Variants in EPHA7 observed in about 807,000 individuals in gnomAD.
EPHA7 encodes the protein EPH receptor A7.
EPHA7 carries 25 observed loss-of-function variants against 112.6 expected under a neutral mutation model. The observed-to-expected ratio is 0.22, with a 90% CI of 0.16 to 0.31. The LOEUF is 0.31. Ranked by LOEUF, EPHA7 falls within the 10% of genes least tolerant of loss-of-function variation. The pLI, the probability that EPHA7 is intolerant of heterozygous loss-of-function variation, is 1.00. For synonymous variants in EPHA7, 437 were observed against 406.5 expected, an observed-to-expected ratio of 1.07 and a Z score of -0.90; for missense variants, 962 against 1,212.6, an observed-to-expected ratio of 0.79 and a Z score of 3.07.
intron 3 of EPHA7, among the ~76,000 whole-genome samples, chr6:93,389,875 T>A (rs1777816408): frequency 1.3e-5 from 2 of 151,916 alleles, no homozygotes; most frequent in Admixed American, 1.3e-4. Context: ...ACAGAAGGAA[T>A]AAGATACACA....
At position 93,259,405 on chromosome 6, in the gene EPHA7, C is replaced by A. The variant is rs149602525; in HGVS notation, c.1873G>T (p.Ala625Ser). Residue 625 changes from alanine (A) to serine (S), a missense_variant, in exon 10 of 17, where the codon GCC becomes TCC. Transcript: ENST00000369303. ...EDPNRAVHQF[A>S]KELDASCIKI... Reference sequence around the variant, plus strand: ...ATACAGGAGGCATCTAGCTCCTTGGCGAATTGATGGACAGCTCTATTTGGG... The same window carrying A: ...ATACAGGAGGCATCTAGCTCCTTGGAGAATTGATGGACAGCTCTATTTGGG... 21 of 1,611,970 alleles carry A rather than the reference C, an allele frequency of 1.3e-5. No individual in the cohort carries two copies. Among genetic ancestry groups the A allele is most frequent in the Non-Finnish European group, 1.7e-5 (20 of 1,178,524 alleles).
At chr6:93,383,453 C>A (rs569222058) in intron 3 of EPHA7, among the ~76,000 whole-genome samples, 2 of 151,874 alleles carry the variant, frequency 1.3e-5, no homozygotes, top group African/African-American at 4.8e-5. Flanking sequence ...AGTAGCTCGC[C>A]CAAGGTCACA....
intron 5 of EPHA7, among the ~76,000 whole-genome samples, chr6:93,339,022 A>T (rs912316769): frequency 6.6e-6 from 1 of 150,780 alleles, no homozygotes; most frequent in Non-Finnish European, 1.5e-5. Context: ...ATACCGTAGG[A>T]TACCAACATT....
At chr6:93,310,482 T>C (rs922286980) in intron 5 of EPHA7, among the ~76,000 whole-genome samples, 1 of 151,978 alleles carries the variant, frequency 6.6e-6, no homozygotes, top group African/African-American at 2.4e-5. Flanking sequence ...CTGGCCAAGA[T>C]GGTGAAATTG....
chr6:93,411,184 A>G lies in EPHA7; in HGVS notation c.163-14T>C, dbSNP rs756114090. 4 of 1,594,742 alleles carry G rather than the reference A, an allele frequency of 2.5e-6. No homozygotes were observed. The African/African-American group carries it at 5.4e-5, about 22-fold the overall frequency. On this transcript the variant is annotated splice_polypyrimidine_tract_variant and intron_variant, in intron 2 of 16. Transcript: ENST00000369303. The stretch of plus-strand genomic sequence containing the variant: ...AATTTCTTCCCACTGTAAAATTTGA[A>G]AAAAGGTCATCAGTCATTCAGCAAA...
At chr6:93,381,031 C>T (rs1188635766) in intron 3 of EPHA7, among the ~76,000 whole-genome samples, 1 of 152,076 alleles carries the variant, frequency 6.6e-6, no homozygotes, top group African/African-American at 2.4e-5. Context: ...TAAGCAATGC[C>T]TCCTGAATAT....
intron 5 of EPHA7, among the ~76,000 whole-genome samples, chr6:93,335,300 G>T (rs190313035): frequency 1.3e-5 from 2 of 152,064 alleles, no homozygotes; most frequent in African/African-American, 2.4e-5. Context: ...AACAAAATGA[G>T]ATTTTTCATC....
intron 5 of EPHA7, among the ~76,000 whole-genome samples, chr6:93,325,929 G>A (rs1188470716): frequency 6.6e-6 from 1 of 151,350 alleles, no homozygotes; most frequent in Non-Finnish European, 1.5e-5. Context: ...GCTCAAGATA[G>A]ATGTAGTGCT....
intron 5 of EPHA7, among the ~76,000 whole-genome samples, chr6:93,320,342 C>T (rs921878508): frequency 3.3e-5 from 5 of 151,908 alleles, no homozygotes; most frequent in African/African-American, 1.2e-4. Flanking sequence ...AAGTACATTT[C>T]GAATAAAGAT....
At chr6:93,286,256 C>A (rs760384945) in intron 5 of EPHA7, among the ~76,000 whole-genome samples, 6 of 152,044 alleles carry the variant, frequency 3.9e-5, no homozygotes, top group Non-Finnish European at 5.9e-5. Flanking sequence ...ATTCTCATGG[C>A]CTTTCCCTCT....
At chr6:93,351,324 C>T (rs1382788373) in intron 5 of EPHA7, among the ~76,000 whole-genome samples, 4 of 151,990 alleles carry the variant, frequency 2.6e-5, no homozygotes, top group East Asian at 1.9e-4. Flanking sequence ...CTGCTTGGTC[C>T]TGCTTGCTTC....
intron 13 of EPHA7, 148 bp downstream of exon 13, chr6:93,255,680 C>CAAAAAA (rs988623625): frequency 7.3e-6 from 4 of 547,672 alleles, no homozygotes; most frequent in Non-Finnish European, 1.2e-5. Context: ...TCCAGAAAAA[C>CAAAAAA]AAAAAACAAA....
intron 5 of EPHA7, among the ~76,000 whole-genome samples, chr6:93,279,721 G>T (rs1771640008): frequency 6.6e-6 from 1 of 152,184 alleles, no homozygotes; most frequent in South Asian, 2.1e-4. Context: ...ACTTGTGTCA[G>T]ATGTACATCA....
intron 5 of EPHA7, among the ~76,000 whole-genome samples, chr6:93,341,494 A>C (rs1384521231): frequency 6.6e-6 from 1 of 151,890 alleles, no homozygotes; most frequent in Non-Finnish European, 1.5e-5. Flanking sequence ...AAAAGATAGG[A>C]AAGTATAAAA....
intron 3 of EPHA7, among the ~76,000 whole-genome samples, chr6:93,394,405 T>C (rs1778064282): frequency 6.6e-6 from 1 of 151,660 alleles, no homozygotes; most frequent in African/African-American, 2.4e-5. Context: ...TTCTCTGTGG[T>C]CTTTGAGCAC....
intron 5 of EPHA7, among the ~76,000 whole-genome samples, chr6:93,297,994 A>T (rs1450387933): frequency 6.6e-6 from 1 of 152,204 alleles, no homozygotes; most frequent in Non-Finnish European, 1.5e-5. Flanking sequence ...AGCTTTAAAT[A>T]AGTATCATTT....
At position 93,356,755 on chromosome 6, in the gene EPHA7, C is replaced by T. The variant is rs771888219; in HGVS notation, c.1286G>A (p.Arg429Lys). 4 of 1,613,562 alleles carry T rather than the reference C, an allele frequency of 2.5e-6. No homozygotes were observed. The highest frequency in any genetic ancestry group is 2.2e-5 in the South Asian group (2 of 91,030). The change falls in exon 5 of 17, where the codon AGG (arginine) becomes AAG (lysine). Residue 429 changes from arginine (R) to lysine (K), a missense_variant. Transcript: ENST00000369303. ...GGTGATACTGACAGCAGCAAAGAGC[C>T]TCTGGGATCGGCTTAAGTCAGAAAC... ...NGVSDLSRSQ[R>K]LFAAVSITTG...
chr6:93,245,237 G>A, intron 16 of EPHA7, 61 bp downstream of exon 16: 1 of 1,423,878 alleles, frequency 7.0e-7, no homozygotes. Flanking sequence ...ATAACCTAAT[G>A]TATAAAGTGT....
intron 1 of EPHA7, among the ~76,000 whole-genome samples, chr6:93,416,555 C>T (rs1779237057): frequency 6.6e-6 from 1 of 152,160 alleles, no homozygotes; most frequent in Non-Finnish European, 1.5e-5. Context: ...AAACAGAACC[C>T]GGCCCGAGAA....
Sources: gnomAD v4.1 joint callset for allele counts (sites outside exome capture counted in the v4.1 genomes callset) on GRCh38, gnomAD v4.1.1 for gene constraint, MANE v1.5 for transcripts, NCBI Gene and HGNC (gene_info 2026-07-23, HGNC 2026-07-21) for gene names.